The following PIKFYVE variants were observed in gnomAD, a reference collection of about 807,000 sequenced individuals.
PIKFYVE encodes the protein 1-phosphatidylinositol 3-phosphate 5-kinase.
Under a neutral mutation model 257.9 loss-of-function variants are expected in PIKFYVE, and 122 were observed. The observed-to-expected ratio is 0.47, with a 90% CI of 0.41 to 0.55. The LOEUF is 0.55. Among genes scored for constraint, PIKFYVE ranks in the 20% least tolerant of loss-of-function variants. The pLI is 0.00. For synonymous variants in PIKFYVE, 892 were observed against 868.9 expected, an observed-to-expected ratio of 1.03 and a Z score of -0.47; for missense variants, 2,160 against 2,536.6, an observed-to-expected ratio of 0.85 and a Z score of 3.19.
At chr2:208,341,785 A>G (rs1364838600) in intron 31 of PIKFYVE, among the ~76,000 whole-genome samples, 3 of 152,136 alleles carry the variant, frequency 2.0e-5, no homozygotes, top group South Asian at 2.1e-4. Context: ...TCCTTATACC[A>G]TAACATTGGG....
intron 34 of PIKFYVE, among the ~76,000 whole-genome samples, chr2:208,347,208 T>G (rs1172492254): frequency 3.9e-5 from 6 of 152,282 alleles, no homozygotes; most frequent in Non-Finnish European, 8.8e-5. Flanking sequence ...ATGATTGACA[T>G]TTTCTGTGAG....
chr2:208,276,818 G>A lies in PIKFYVE; in HGVS notation c.429G>A (p.Glu143=). ...TVLKRLKEIM[E]GKSQDSDLKQ... is the part of the protein sequence containing the mutation. ...TAAAACGCCTCAAGGAAATCATGGA[G>A]GGGAAAAGCCAGGTACTGTCTAGAG... Residue 143 remains glutamate (E), a synonymous_variant, in exon 4 of 42, where the codon GAG becomes GAA. Coordinates refer to ENST00000264380, the MANE Select transcript of PIKFYVE (RefSeq NM_015040.4). 6.2e-7 allele frequency: 1 copy of A among 1,612,854 alleles called. No homozygotes were observed. Among genetic ancestry groups the A allele is most frequent in the Non-Finnish European group, 8.5e-7 (1 of 1,178,922 alleles).
intron 7 of PIKFYVE, among the ~76,000 whole-genome samples, chr2:208,294,018 TTC>T (rs1310359591): frequency 5.9e-5 from 9 of 152,182 alleles, no homozygotes; most frequent in African/African-American, 1.7e-4. Context: ...TTGTGTTCCT[TTC>T]TCTCTTTCTT....
intron 27 of PIKFYVE, 67 bp downstream of exon 27, chr2:208,336,267 A>G: frequency 6.3e-7 from 1 of 1,588,682 alleles, no homozygotes; most frequent in Non-Finnish European, 8.6e-7. Flanking sequence ...ATATCTTAAA[A>G]CTTAAAAATT....
At chr2:208,266,723 A>G (rs536770319) in intron 1 of PIKFYVE, among the ~76,000 whole-genome samples, 1 of 152,216 alleles carries the variant, frequency 6.6e-6, no homozygotes, top group East Asian at 1.9e-4. Context: ...GAACTTAATT[A>G]GGAGGGGAAG....
intron 32 of PIKFYVE, 130 bp from the exon 33 acceptor site, chr2:208,344,981 C>T: frequency 1.4e-6 from 1 of 690,208 alleles, no homozygotes; most frequent in South Asian, 1.8e-5. Flanking sequence ...TGTCAGTTAA[C>T]CAAAATTATT....
At chr2:208,307,967 T>C (rs1344605706) in intron 12 of PIKFYVE, among the ~76,000 whole-genome samples, 1 of 152,206 alleles carries the variant, frequency 6.6e-6, no homozygotes, top group Non-Finnish European at 1.5e-5. Flanking sequence ...AATTGACAAA[T>C]TATAATTGTA....
chr2:208,287,297 T>A (rs1164241524), intron 6 of PIKFYVE, among the ~76,000 whole-genome samples: 2 of 151,452 alleles, frequency 1.3e-5, no homozygotes, highest in Non-Finnish European at 2.9e-5. Context: ...GAGACAGAGT[T>A]TTTTTTGCTC....
chr2:208,270,975 G>A (rs1689348079), intron 1 of PIKFYVE, among the ~76,000 whole-genome samples: 1 of 151,200 alleles, frequency 6.6e-6, no homozygotes, highest in Non-Finnish European at 1.5e-5. Flanking sequence ...GGTGGAGGTT[G>A]CAGTGAGCCA....
intron 1 of PIKFYVE, among the ~76,000 whole-genome samples, chr2:208,268,767 C>T (rs1689022607): frequency 6.6e-6 from 1 of 151,718 alleles, no homozygotes; most frequent in Non-Finnish European, 1.5e-5. Context: ...TTCCTCTTTC[C>T]TTCCCCTTCC....
rs185831057 is a variant in PIKFYVE at position 208,322,239 on chromosome 2, G to A, written c.2190+1880G>A. Among the ~76,000 whole-genome samples, 9 of 151,880 alleles carry A rather than the reference G, an allele frequency of 5.9e-5. No individual in the cohort carries two copies. The East Asian group carries it at 9.7e-4, about 16-fold the overall frequency. On this transcript the variant is annotated intron_variant, in intron 17 of 41. Coordinates refer to ENST00000264380, the MANE Select transcript of PIKFYVE (RefSeq NM_015040.4). ...TACAAAAAATAGAAAAAATTAGGCA[G>A]GCATGGTGATGTGTGCCTGTAGTCC...
At chr2:208,315,496 G>A in intron 15 of PIKFYVE, 123 bp downstream of exon 15, 1 of 1,124,832 alleles carries the variant, frequency 8.9e-7, no homozygotes, top group Non-Finnish European at 1.2e-6. Flanking sequence ...AGGAGTAGGA[G>A]GTTTTGCTGT....
chr2:208,354,498 G>A, intron 40 of PIKFYVE, 73 bp from the exon 41 acceptor site: 1 of 1,285,010 alleles, frequency 7.8e-7, no homozygotes, highest in Non-Finnish European at 1.1e-6. Flanking sequence ...AGTAGTAATA[G>A]TCATTGCTGT....
intron 33 of PIKFYVE, among the ~76,000 whole-genome samples, chr2:208,345,554 A>G (rs1236543544): frequency 2.0e-5 from 3 of 152,154 alleles, no homozygotes; most frequent in African/African-American, 7.2e-5. Flanking sequence ...TTTATAATAA[A>G]TAAAGGTCCT....
In PIKFYVE at chr2:208,353,881, C is replaced by T; in HGVS notation, c.5845-17C>T. The T allele has an allele frequency of 6.2e-7, 1 of 1,613,244 alleles. No individual in the cohort carries two copies. Among genetic ancestry groups the T allele is most frequent in the Non-Finnish European group, 8.5e-7 (1 of 1,179,820 alleles). On this transcript the variant is annotated splice_polypyrimidine_tract_variant and intron_variant, in intron 39 of 41. Transcript: ENST00000264380. Reference sequence around the variant, plus strand: ...GGCAACCTGTACATAAATGACAAAGCATTTTCTTTTTACTAGGTTTTTGAT... The same window carrying T: ...GGCAACCTGTACATAAATGACAAAGTATTTTCTTTTTACTAGGTTTTTGAT...
At chr2:208,315,728 A>G (rs1695426583) in intron 15 of PIKFYVE, among the ~76,000 whole-genome samples, 1 of 152,160 alleles carries the variant, frequency 6.6e-6, no homozygotes, top group African/African-American at 2.4e-5. Flanking sequence ...TGCTTTATTT[A>G]GATCAAGCTT....
At chr2:208,338,376 G>T in intron 28 of PIKFYVE, 132 bp from the exon 29 acceptor site, 1 of 657,462 alleles carries the variant, frequency 1.5e-6, no homozygotes, top group Non-Finnish European at 2.6e-6. Context: ...AAATATTAAG[G>T]GGGTTTTTAG....
Position 208,266,314 on chromosome 2 carries a change from A to C in PIKFYVE, c.-111A>C, listed in dbSNP as rs1688617096. 1 of 151,998 alleles carries C rather than the reference A, an allele frequency of 6.6e-6. No homozygotes were observed. Among genetic ancestry groups the C allele is most frequent in the African/African-American group, 2.4e-5 (1 of 41,312 alleles). The allele number at this position is 151,998 out of a possible 1,614,324, so 9.4% of individuals were successfully genotyped here. The stretch of plus-strand genomic sequence containing the variant: ...TCCTGCCGCAACCGTCCGCGGCCTG[A>C]GGAGCCCACCGCCGCTCTCGGGGGC... On this transcript the variant is annotated 5_prime_UTR_variant, in exon 1 of 42. Transcript: ENST00000264380.
At chr2:208,290,903 C>T (rs756167377) in intron 7 of PIKFYVE, among the ~76,000 whole-genome samples, 11 of 152,086 alleles carry the variant, frequency 7.2e-5, no homozygotes, top group South Asian at 2.1e-4. Context: ...TTCAGGAGTT[C>T]GTTAGTTCTT....
Sources: gnomAD v4.1 joint callset for allele counts (sites outside exome capture counted in the v4.1 genomes callset) on GRCh38, gnomAD v4.1.1 for gene constraint, MANE v1.5 for transcripts, NCBI Gene and HGNC (gene_info 2026-07-23, HGNC 2026-07-21) for gene names.